The following MAGI2 variants were observed in gnomAD, a reference collection of about 807,000 sequenced individuals.
The protein encoded by MAGI2 is membrane associated guanylate kinase, WW and PDZ domain containing 2.
In MAGI2, 35 loss-of-function variants were observed where a neutral mutation model predicts 133.3. That is an observed-to-expected ratio of 0.26 (90% CI 0.20 to 0.35). The LOEUF (loss-of-function observed/expected upper bound fraction) is 0.35. Among genes scored for constraint, MAGI2 ranks in the 10% least tolerant of loss-of-function variants. MAGI2 has a pLI of 1.00. For synonymous variants in MAGI2, 729 were observed against 710.6 expected, an observed-to-expected ratio of 1.03 and a Z score of -0.41; for missense variants, 1,636 against 1,863.4, an observed-to-expected ratio of 0.88 and a Z score of 2.25.
intron 2 of MAGI2, among the ~76,000 whole-genome samples, chr7:78,633,712 A>AC (rs1809318316): frequency 6.6e-6 from 1 of 151,786 alleles, no homozygotes; most frequent in African/African-American, 2.4e-5. Context: ...TCTCAAAAAA[A>AC]AAAAAAAAAA....
At chr7:78,883,363 T>G (rs923103963) in intron 2 of MAGI2, among the ~76,000 whole-genome samples, 2 of 151,870 alleles carry the variant, frequency 1.3e-5, no homozygotes. Flanking sequence ...AAAACACTGA[T>G]GAAAGAAATC....
intron 1 of MAGI2, among the ~76,000 whole-genome samples, chr7:79,433,509 C>T (rs530006929): frequency 5.3e-5 from 8 of 151,582 alleles, no homozygotes; most frequent in South Asian, 2.1e-4. Context: ...GGCGAGATAG[C>T]GCCACTGCAC....
At chr7:78,861,295 G>A (rs539854867) in intron 2 of MAGI2, among the ~76,000 whole-genome samples, 27 of 152,268 alleles carry the variant, frequency 1.8e-4, no homozygotes, top group African/African-American at 4.8e-4. Context: ...GAAATCACCC[G>A]TCTTCTGCAT....
intron 1 of MAGI2, among the ~76,000 whole-genome samples, chr7:79,174,388 C>G (rs1042075842): frequency 6.6e-6 from 1 of 151,676 alleles, no homozygotes; most frequent in Non-Finnish European, 1.5e-5. Context: ...GGGAAGAAAC[C>G]ACAAAGAAAA....
chr7:78,779,626 A>G (rs151189044), intron 2 of MAGI2, among the ~76,000 whole-genome samples: 1,825 of 152,316 alleles, frequency 0.012, 16 homozygotes, highest in Non-Finnish European at 0.019. Context: ...AATGTCAATG[A>G]CCTTCTCTTC....
chr7:78,946,731 T>G, intron 2 of MAGI2: 1 of 152,196 alleles, frequency 6.6e-6, no homozygotes, highest in East Asian at 1.9e-4. Context: ...ATGTCAATTT[T>G]ATAGTGTTAG....
chr7:78,122,733 C>T (rs941773698), intron 20 of MAGI2, among the ~76,000 whole-genome samples: 3 of 152,210 alleles, frequency 2.0e-5, no homozygotes, highest in Admixed American at 2.0e-4. Flanking sequence ...ACTTGACTCT[C>T]AGATTTTTAT....
intron 1 of MAGI2, among the ~76,000 whole-genome samples, chr7:79,388,035 C>A (rs1844318321): frequency 6.6e-6 from 1 of 151,868 alleles, no homozygotes; most frequent in Non-Finnish European, 1.5e-5. Flanking sequence ...TTCCTGCTTG[C>A]TTAATGATTA....
intron 2 of MAGI2, among the ~76,000 whole-genome samples, chr7:78,901,695 G>A (rs987420506): frequency 6.6e-6 from 1 of 151,880 alleles, no homozygotes; most frequent in Non-Finnish European, 1.5e-5. Context: ...AAGTAAAAGG[G>A]CTTCTATTCA....
chr7:78,167,826 TA>T (rs1825757865), intron 15 of MAGI2, 89 bp downstream of exon 15: 1 of 1,190,732 alleles, frequency 8.4e-7, no homozygotes, highest in East Asian at 2.4e-5. Context: ...GAAATGGATT[TA>T]AAATTTTGTT....
chr7:78,640,486 TGA>T (rs1398496025), intron 2 of MAGI2, among the ~76,000 whole-genome samples: 1 of 152,190 alleles, frequency 6.6e-6, no homozygotes, highest in East Asian at 1.9e-4. Flanking sequence ...GAGTTAATAG[TGA>T]GTTATCAAAA....
chr7:78,882,099 A>AAAG (rs1271461779), intron 2 of MAGI2, among the ~76,000 whole-genome samples: 4 of 125,842 alleles, frequency 3.2e-5, no homozygotes, highest in Non-Finnish European at 6.9e-5. Flanking sequence ...AAAAAAAAAA[A>AAAG]AAAAAAAAAG....
intron 2 of MAGI2, among the ~76,000 whole-genome samples, chr7:78,710,704 G>T (rs1037148601): frequency 6.6e-6 from 1 of 152,026 alleles, no homozygotes; most frequent in Non-Finnish European, 1.5e-5. Context: ...ATTAAATGCC[G>T]CTTGACACAA....
chr7:78,602,711 T>C (rs937612367), intron 3 of MAGI2, among the ~76,000 whole-genome samples: 3 of 152,192 alleles, frequency 2.0e-5, no homozygotes, highest in Non-Finnish European at 4.4e-5. Flanking sequence ...TATGTGATTA[T>C]GTGAAATGGG....
chr7:78,690,859 T>TA (rs767728885), intron 2 of MAGI2, among the ~76,000 whole-genome samples: 2 of 152,214 alleles, frequency 1.3e-5, no homozygotes, highest in South Asian at 2.1e-4. Context: ...GCAAGTAGAG[T>TA]AAAAAATGGT....
intron 20 of MAGI2, among the ~76,000 whole-genome samples, chr7:78,109,512 G>A (rs1335668816): frequency 6.6e-6 from 1 of 151,672 alleles, no homozygotes; most frequent in Non-Finnish European, 1.5e-5. Flanking sequence ...CGTGCCTGTA[G>A]TCCCAACTAC....
intron 6 of MAGI2, among the ~76,000 whole-genome samples, chr7:78,411,625 T>C (rs930654571): frequency 1.3e-5 from 2 of 152,002 alleles, no homozygotes; most frequent in African/African-American, 4.8e-5. Flanking sequence ...ATTTATCACT[T>C]AGGGTCATTT....
At chr7:78,875,932 G>T (rs540841) in intron 2 of MAGI2, among the ~76,000 whole-genome samples, 81,664 of 151,990 alleles carry the variant, frequency 0.54, 23,901 homozygotes, top group Middle Eastern at 0.69. Flanking sequence ...ATTAGATGTG[G>T]GGAAAAAAAT....
chr7:78,356,932 G>C (rs1294493186), intron 7 of MAGI2, among the ~76,000 whole-genome samples: 2 of 152,160 alleles, frequency 1.3e-5, no homozygotes, highest in African/African-American at 4.8e-5. Flanking sequence ...TACAATTGAA[G>C]ATTTTGTCTA....
Sources: allele counts gnomAD v4.1 joint callset (sites outside exome capture counted in the v4.1 genomes callset), GRCh38; gene constraint gnomAD v4.1.1; transcripts MANE v1.5; gene names NCBI Gene and HGNC (gene_info 2026-07-23, HGNC 2026-07-21).